MCUB: variants seen among roughly 807,000 people sequenced by gnomAD.
MCUB encodes calcium uniporter regulatory subunit MCUb, mitochondrial.
MCUB carries 46 observed loss-of-function variants against 41.4 expected under a neutral mutation model. The observed-to-expected ratio is 1.11, with a 90% CI of 0.88 to 1.42. MCUB has a LOEUF of 1.42. Ranked by LOEUF, MCUB falls within the 40% of genes most tolerant of loss-of-function variation. The pLI is 0.00. For synonymous variants in MCUB, 148 were observed against 148.2 expected (o/e 1.00, Z 0.01); for missense variants, 403 against 404.9 (o/e 1.00, Z 0.04).
intron 1 of MCUB, among the ~76,000 whole-genome samples, chr4:109,634,343 G>A (rs917673526): frequency 1.3e-5 from 2 of 152,086 alleles, no homozygotes; most frequent in Non-Finnish European, 2.9e-5. Context: ...TTAGCTGGGC[G>A]TGGTGGCGCG....
intron 1 of MCUB, among the ~76,000 whole-genome samples, chr4:109,617,683 C>T (rs1159442535): frequency 6.6e-6 from 1 of 152,136 alleles, no homozygotes; most frequent in Non-Finnish European, 1.5e-5. Flanking sequence ...GTTACAGATT[C>T]ATAATTAACC....
chr4:109,582,564 A>C (rs201087067), intron 1 of MCUB, among the ~76,000 whole-genome samples: 31,196 of 150,780 alleles, frequency 0.21, 4,405 homozygotes, highest in African/African-American at 0.39. Flanking sequence ...GTTTAACAAA[A>C]AAAAAAAAAA....
At chr4:109,590,321 C>T (rs553859740) in intron 1 of MCUB, among the ~76,000 whole-genome samples, 283 of 152,242 alleles carry the variant, frequency 1.9e-3, no homozygotes, top group Non-Finnish European at 3.4e-3. Context: ...TTTTGCTTTT[C>T]TTTGCTTATA....
intron 1 of MCUB, among the ~76,000 whole-genome samples, chr4:109,575,561 T>G (rs1342821433): frequency 6.6e-6 from 1 of 152,218 alleles, no homozygotes; most frequent in East Asian, 1.9e-4. Flanking sequence ...AGTGGGATTG[T>G]GCTGCCATTT....
intron 1 of MCUB, among the ~76,000 whole-genome samples, chr4:109,632,598 T>G (rs1241855558): frequency 2.0e-5 from 3 of 149,814 alleles, no homozygotes; most frequent in African/African-American, 7.4e-5. Flanking sequence ...TTATCCCTTT[T>G]ATGTCTTCTG....
chr4:109,662,996 T>G (rs1010003566), intron 3 of MCUB, among the ~76,000 whole-genome samples: 5 of 152,192 alleles, frequency 3.3e-5, no homozygotes, highest in African/African-American at 4.8e-5. Flanking sequence ...AACAGCCAAA[T>G]TCTAGGAACA....
At chr4:109,599,124 C>G (rs1057037489) in intron 1 of MCUB, among the ~76,000 whole-genome samples, 2 of 152,164 alleles carry the variant, frequency 1.3e-5, no homozygotes, top group Admixed American at 1.3e-4. Flanking sequence ...TAAGCTCTGT[C>G]GTCCAAGAAC....
At chr4:109,599,230 A>T (rs190910955) in intron 1 of MCUB, among the ~76,000 whole-genome samples, 1 of 152,282 alleles carries the variant, frequency 6.6e-6, no homozygotes, top group Non-Finnish European at 1.5e-5. Context: ...TTTGAATATC[A>T]AATCAGGTGA....
At chr4:109,604,670 T>C (rs1188284680) in intron 1 of MCUB, among the ~76,000 whole-genome samples, 1 of 152,222 alleles carries the variant, frequency 6.6e-6, no homozygotes, top group African/African-American at 2.4e-5. Flanking sequence ...ATGGCTTTTA[T>C]TACGTTGAGG....
Position 109,682,596 on chromosome 4 carries a change from G to T in MCUB, c.466G>T (p.Glu156Ter). ...QCPKREKPSN[E>*]HTAEMEHMKS... ...TCTTTTCTCAGAAAAACCAAGTAAT[G>T]AGCACACTGCTGAGATGGAACACAT... The change falls in exon 5 of 8, where the codon GAG becomes TAG. Residue 156 changes from glutamate (E) to a stop codon, truncating the protein, a stop_gained. Transcript: ENST00000394650. LOFTEE classifies it high-confidence loss of function. The T allele has an allele frequency of 6.2e-7, 1 of 1,608,576 alleles. No individual in the cohort carries two copies. Among genetic ancestry groups the T allele is most frequent in the South Asian group, 1.1e-5 (1 of 89,792 alleles).
chr4:109,667,610 G>A (rs1376041520), intron 4 of MCUB, among the ~76,000 whole-genome samples: 1 of 149,630 alleles, frequency 6.7e-6, no homozygotes, highest in Non-Finnish European at 1.5e-5. Context: ...TTATAATATA[G>A]AATAGAATAT....
intron 1 of MCUB, among the ~76,000 whole-genome samples, chr4:109,624,510 G>C (rs555472757): frequency 6.6e-6 from 1 of 152,196 alleles, no homozygotes; most frequent in Non-Finnish European, 1.5e-5. Flanking sequence ...TTCTGCTGTT[G>C]ATGAAACAGT....
chr4:109,687,762 T>G lies in MCUB; in HGVS notation c.*170T>G. 1.7e-6 allele frequency: 1 copy of G among 589,346 alleles called. No individual in the cohort carries two copies. Among genetic ancestry groups the G allele is most frequent in the Non-Finnish European group, 3.0e-6 (1 of 335,650 alleles). 36.5% of individuals were successfully genotyped at this position (589,346 alleles called of 1,614,324 possible). A position where few individuals can be genotyped will look rare whatever the true frequency, so the allele number is the denominator to read the frequency against. On this transcript the variant is annotated 3_prime_UTR_variant, in exon 8 of 8. Coordinates refer to ENST00000394650, the MANE Select transcript of MCUB (RefSeq NM_017918.5). ...CTGAGATTTTTACTTTTTGGATTTT[T>G]ATGACTTGCTAATGTTAGAAAGGGC...
chr4:109,606,756 G>T (rs999348072), intron 1 of MCUB, among the ~76,000 whole-genome samples: 2 of 150,874 alleles, frequency 1.3e-5, no homozygotes, highest in Non-Finnish European at 1.5e-5. Context: ...GTTCTTTTTT[G>T]TGTGTGTGAA....
chr4:109,631,058 C>T (rs1367310035), intron 1 of MCUB, among the ~76,000 whole-genome samples: 3 of 152,154 alleles, frequency 2.0e-5, no homozygotes, highest in African/African-American at 7.2e-5. Context: ...ACCTTTTCTG[C>T]CTAGATACTC....
chr4:109,616,613 G>C (rs1444894717), intron 1 of MCUB, among the ~76,000 whole-genome samples: 1 of 152,144 alleles, frequency 6.6e-6, no homozygotes, highest in Non-Finnish European at 1.5e-5. Context: ...TTTCTTGAGA[G>C]AGTTGCATAC....
At chr4:109,670,536 T>C (rs941470732) in intron 4 of MCUB, among the ~76,000 whole-genome samples, 1 of 151,880 alleles carries the variant, frequency 6.6e-6, no homozygotes, top group South Asian at 2.1e-4. Flanking sequence ...GCCAACATGG[T>C]GAAACCCTGT....
At chr4:109,653,756 G>A (rs534410044) in intron 1 of MCUB, among the ~76,000 whole-genome samples, 29 of 152,242 alleles carry the variant, frequency 1.9e-4, no homozygotes, top group South Asian at 1.2e-3. Flanking sequence ...TGTATTTTTT[G>A]TAGAGATGGG....
chr4:109,575,145 A>G (rs1251595015), intron 1 of MCUB, among the ~76,000 whole-genome samples: 1 of 152,148 alleles, frequency 6.6e-6, no homozygotes, highest in Non-Finnish European at 1.5e-5. Flanking sequence ...TTTGATATCT[A>G]TCACAATGTC....
Sources: gnomAD v4.1 joint callset for allele counts (sites outside exome capture counted in the v4.1 genomes callset) on GRCh38, gnomAD v4.1.1 for gene constraint, MANE v1.5 for transcripts, NCBI Gene and HGNC (gene_info 2026-07-23, HGNC 2026-07-21) for gene names.